Variants in BEGAIN observed in about 807,000 individuals in gnomAD.
BEGAIN encodes brain enriched guanylate kinase associated.
Under a neutral mutation model 35.8 loss-of-function variants are expected in BEGAIN, and 19 were observed. That is an observed-to-expected ratio of 0.53 (90% CI 0.37 to 0.78). The LOEUF (loss-of-function observed/expected upper bound fraction) is 0.78, where lower values mean the gene tolerates loss of function less well. BEGAIN is among the 30% of genes least tolerant of loss of function. BEGAIN has a pLI of 0.00. For missense variants in BEGAIN, 795 were observed against 853.6 expected, an observed-to-expected ratio of 0.93 and a Z score of 0.85; for synonymous variants, 462 against 388.6, an observed-to-expected ratio of 1.19 and a Z score of -2.22.
chr14:100,538,205 T>G lies in BEGAIN; in HGVS notation c.1603A>C (p.Ser535Arg). Residue 535 changes from serine (S) to arginine (R), a missense_variant, in exon 7 of 7, where the codon AGC becomes CGC. Ser to Arg is a moderately radical substitution (Grantham distance 110, BLOSUM62 -1). Around this residue, in one of 3 missense-constraint regions of BEGAIN, gnomAD observed 664 missense variants for 647.7 expected, o/e 1.03. Coordinates refer to ENST00000554140, the MANE Select transcript of BEGAIN (RefSeq NM_001385089.1). ...AGCCTGTCCCCGTCCCCCCCCTCGC[T>G]GGGTGCATAGCCGGGCAGTGGGTCA... ...SADPLPGYAP[S>R]EGGDGDRLGV... is the part of the protein sequence containing the mutation. 1 of 1,558,732 alleles carries G rather than the reference T, an allele frequency of 6.4e-7. No individual in the cohort carries two copies. Among genetic ancestry groups the G allele is most frequent in the South Asian group, 1.2e-5 (1 of 85,484 alleles).
At chr14:100,564,297 T>C (rs2034518924) in intron 2 of BEGAIN, among the ~76,000 whole-genome samples, 1 of 152,074 alleles carries the variant, frequency 6.6e-6, no homozygotes, top group African/African-American at 2.4e-5. Context: ...TGAAAAATTC[T>C]ATTTTGGGGG....
chr14:100,583,252 C>G (rs2035360148), intron 1 of BEGAIN, among the ~76,000 whole-genome samples: 1 of 151,168 alleles, frequency 6.6e-6, no homozygotes, highest in South Asian at 2.1e-4. Context: ...TCTCAGGCCT[C>G]TATCCACACA....
chr14:100,582,364 T>C (rs1009502910), intron 1 of BEGAIN, among the ~76,000 whole-genome samples: 4 of 152,234 alleles, frequency 2.6e-5, no homozygotes, highest in African/African-American at 9.6e-5. Flanking sequence ...GGGATGGTCT[T>C]GATCTCCTGA....
intron 2 of BEGAIN, among the ~76,000 whole-genome samples, chr14:100,551,404 G>C (rs908653681): frequency 1.3e-5 from 2 of 152,214 alleles, no homozygotes; most frequent in African/African-American, 4.8e-5. Flanking sequence ...GCCTAGAGGG[G>C]CTGGTTCCAT....
chr14:100,582,409 C>T (rs1033885179), intron 1 of BEGAIN, among the ~76,000 whole-genome samples: 7 of 152,210 alleles, frequency 4.6e-5, no homozygotes, highest in Admixed American at 2.6e-4. Context: ...TCCCAAAGTG[C>T]TGGGATTACA....
chr14:100,577,456 G>A (rs984173169), intron 1 of BEGAIN: 25 of 399,628 alleles, frequency 6.3e-5, no homozygotes, highest in Middle Eastern at 6.2e-4. Flanking sequence ...GGAGCTCAGG[G>A]CTGGGTCCTT....
intron 6 of BEGAIN, 50 bp downstream of exon 6, chr14:100,540,446 G>C: frequency 7.1e-7 from 1 of 1,411,194 alleles, no homozygotes; most frequent in Non-Finnish European, 9.7e-7. Flanking sequence ...GGCACAAAAG[G>C]AGCCCGGTGG....
rs777196456 is a variant in BEGAIN at position 100,538,049 on chromosome 14, A to G, written c.1759T>C (p.Phe587Leu). 6.8e-6 allele frequency: 11 copies of G among 1,606,878 alleles called. No individual in the cohort carries two copies. The highest frequency in any genetic ancestry group is 9.3e-6 in the Non-Finnish European group (11 of 1,177,782). ...PAARLSPQQAFPRTGGSGLSR... is the reference protein window; with the variant it reads ...PAARLSPQQALPRTGGSGLSR... Reference sequence around the variant, plus strand: ...AGCCCCGAGCCACCAGTCCGCGGAAAGGCCTGCTGGGGGCTGAGGCGGGCG... The same window carrying G: ...AGCCCCGAGCCACCAGTCCGCGGAAGGGCCTGCTGGGGGCTGAGGCGGGCG... Residue 587 changes from phenylalanine to leucine, a missense_variant, in exon 7 of 7, where the codon TTT (phenylalanine) becomes CTT (leucine). Physicochemically the swap from Phe to Leu is conservative, Grantham distance 22 (BLOSUM62 0). This residue lies in a region of BEGAIN where 664 missense variants were observed against 647.7 expected (regional missense o/e 1.03). Coordinates refer to ENST00000554140, the MANE Select transcript of BEGAIN (RefSeq NM_001385089.1).
Position 100,545,047 on chromosome 14 carries a change from C to T in BEGAIN, c.253G>A (p.Ala85Thr), listed in dbSNP as rs746464797. The T allele has an allele frequency of 6.2e-7, 1 of 1,613,430 alleles. No homozygotes were observed. The highest frequency in any genetic ancestry group is 8.5e-7 in the Non-Finnish European group (1 of 1,179,992). ...KLRRIQSNYMALQRINQELED... is the reference protein window; with the variant it reads ...KLRRIQSNYMTLQRINQELED... The stretch of plus-strand genomic sequence containing the variant: ...AGCTCCTGGTTGATCCTCTGCAGTG[C>T]CATGTAGTTGCTCTGAATCCTGGTG... The change falls in exon 4 of 7, where the codon GCA becomes ACA. Residue 85 changes from alanine to threonine, a missense_variant. Transcript: ENST00000554140.
At position 100,539,004 on chromosome 14, in the gene BEGAIN, C is replaced by T. The variant is rs767455761; in HGVS notation, c.804G>A (p.Ala268=). The T allele has an allele frequency of 1.9e-6, 3 of 1,610,430 alleles. No individual in the cohort carries two copies. The highest frequency in any genetic ancestry group is 2.5e-6 in the Non-Finnish European group (3 of 1,178,962). The change falls in exon 7 of 7, where the codon GCG becomes GCA. Residue 268 remains alanine (A), a synonymous_variant. Coordinates refer to ENST00000554140, the MANE Select transcript of BEGAIN (RefSeq NM_001385089.1). The part of the protein sequence containing the change: ...RRRDRRPSVD[A]PVTDVGFLRA... ...GCAGGAAGCCCACGTCGGTCACGGG[C>T]GCGTCCACGCTAGGCCGCCGGTCTC...
At chr14:100,564,200 G>A (rs2034510185) in intron 2 of BEGAIN, among the ~76,000 whole-genome samples, 1 of 152,102 alleles carries the variant, frequency 6.6e-6, no homozygotes, top group Non-Finnish European at 1.5e-5. Flanking sequence ...CACAGGTGGT[G>A]GTCGCCAGGT....
chr14:100,574,754 C>T (rs934706476), intron 1 of BEGAIN, among the ~76,000 whole-genome samples: 6 of 152,096 alleles, frequency 3.9e-5, no homozygotes, highest in African/African-American at 1.2e-4. Flanking sequence ...TCCCTATTAT[C>T]GGGAGGCTGA....
intron 1 of BEGAIN, among the ~76,000 whole-genome samples, chr14:100,570,558 C>A (rs1349261528): frequency 6.6e-6 from 1 of 152,236 alleles, no homozygotes; most frequent in Non-Finnish European, 1.5e-5. Context: ...TGGGACAGGA[C>A]TCTGTGTCCC....
chr14:100,538,279 C>G lies in BEGAIN; in HGVS notation c.1529G>C (p.Cys510Ser). The change falls in exon 7 of 7, where the codon TGC (cysteine) becomes TCC (serine). Residue 510 changes from cysteine to serine, a missense_variant. Physicochemically the swap from Cys to Ser is moderately radical, Grantham distance 112. Transcript: ENST00000554140. ...CAGGTCGCCGCCCGCCCGCAGGAAG[C>G]AGGGCTCTGCCAGGTGGCCCTGGGA... is the stretch of plus-strand genomic sequence containing the variant. ...DLSQGHLAEP[C>S]FLRAGGDLSL... 1.3e-6 allele frequency: 2 copies of G among 1,560,462 alleles called. No homozygotes were observed. The highest frequency in any genetic ancestry group is 2.3e-5 in the East Asian group (1 of 43,896).
In BEGAIN at chr14:100,567,759, C is replaced by T; in HGVS notation, c.71+152G>A. 1 of 653,172 alleles carries T rather than the reference C, an allele frequency of 1.5e-6. No homozygotes were observed. The highest frequency in any genetic ancestry group is 2.1e-6 in the Non-Finnish European group (1 of 467,562). 40.5% of individuals were successfully genotyped at this position (653,172 alleles called of 1,614,324 possible). On this transcript the variant is annotated intron_variant, in intron 2 of 6. Coordinates refer to ENST00000554140, the MANE Select transcript of BEGAIN (RefSeq NM_001385089.1). This position sits in a 1 kb window ranked among gnomAD's most constrained non-coding sequence, Gnocchi z 5.1. ...GCGCCTCGCGGCGCGCACACACGCA[C>T]CACACACACGCACCTGGCCCGCAGC...
At chr14:100,582,048 T>C (rs2035328361) in intron 1 of BEGAIN, among the ~76,000 whole-genome samples, 1 of 152,258 alleles carries the variant, frequency 6.6e-6, no homozygotes, top group Non-Finnish European at 1.5e-5. Flanking sequence ...GGTGCGGGCA[T>C]GCGCCAGGGG....
chr14:100,576,484 C>G (rs570456447), intron 1 of BEGAIN, among the ~76,000 whole-genome samples: 3 of 152,320 alleles, frequency 2.0e-5, no homozygotes, highest in Non-Finnish European at 4.4e-5. Context: ...CGTGCTCACC[C>G]GGAATTCATC....
At chr14:100,557,446 C>G (rs907133927) in intron 2 of BEGAIN, among the ~76,000 whole-genome samples, 2 of 152,224 alleles carry the variant, frequency 1.3e-5, no homozygotes, top group Non-Finnish European at 2.9e-5. Flanking sequence ...TGTGCTCCAT[C>G]CATGGGGACC....
Position 100,537,995 on chromosome 14 carries a change from G to C in BEGAIN, c.1813C>G (p.Gln605Glu). 6.2e-7 allele frequency: 1 copy of C among 1,609,692 alleles called. No homozygotes were observed. The highest frequency in any genetic ancestry group is 2.2e-5 in the East Asian group (1 of 44,794). The change falls in exon 7 of 7, where the codon CAG becomes GAG. Residue 605 changes from glutamine to glutamate, a missense_variant. Gln to Glu is a conservative substitution (Grantham distance 29). Around this residue, in one of 3 missense-constraint regions of BEGAIN, gnomAD observed 664 missense variants for 647.7 expected, o/e 1.03. Transcript: ENST00000554140. The part of the protein sequence containing the change: ...LSRKDSLTKA[Q>E]LYGTLLN ...CAGTTGAGCAAGGTTCCGTAGAGCT[G>C]GGCCTTGGTGAGGCTGTCCTTGCGG...
Sources: gnomAD v4.1 joint callset for allele counts (sites outside exome capture counted in the v4.1 genomes callset) on GRCh38, gnomAD v4.1.1 for gene constraint, gnomAD v4.1.1 regional missense constraint, Gnocchi (gnomAD v3.1) non-coding constraint, MANE v1.5 for transcripts, NCBI Gene and HGNC (gene_info 2026-07-23, HGNC 2026-07-21) for gene names.